The following AP4E1 variants were observed in gnomAD, a reference collection of about 807,000 sequenced individuals.
AP4E1 encodes adaptor related protein complex 4 subunit epsilon 1, also known as AP-4 complex subunit epsilon-1.
In AP4E1, 56 loss-of-function variants were observed where a neutral mutation model predicts 128.2. The ratio of observed to expected loss-of-function variants is 0.44; its 90% CI spans 0.35 to 0.55. The LOEUF (loss-of-function observed/expected upper bound fraction) is 0.55. Ranked by LOEUF, AP4E1 falls within the 20% of genes least tolerant of loss-of-function variation. AP4E1 has a pLI of 0.00. For missense variants in AP4E1, 1,324 were observed against 1,307.7 expected (o/e 1.01, Z -0.19); for synonymous variants, 484 against 473.1 (o/e 1.02, Z -0.30).
At chr15:50,943,737 T>C (rs949965486) in intron 10 of AP4E1, among the ~76,000 whole-genome samples, 1 of 152,186 alleles carries the variant, frequency 6.6e-6, no homozygotes, top group African/African-American at 2.4e-5. Context: ...TATTGAACCA[T>C]GTATATATTT....
At position 50,914,650 on chromosome 15, in the gene AP4E1, C is replaced by CA. The variant is rs60591318; in HGVS notation, c.223-777dup. Among the ~76,000 whole-genome samples, 887 of 93,628 alleles carry CA rather than the reference C, an allele frequency of 9.5e-3. 3 individuals carry two copies. Among genetic ancestry groups the CA allele is most frequent in the Middle Eastern group, 0.021 (4 of 194 alleles). The allele number at this position is 93,628 out of a possible 152,430, so 61.4% of individuals were successfully genotyped here. A position where few individuals can be genotyped will look rare whatever the true frequency, so the allele number is the denominator to read the frequency against. On this transcript the variant is annotated intron_variant, in intron 2 of 20. Coordinates refer to ENST00000261842, the MANE Select transcript of AP4E1 (RefSeq NM_007347.5). The stretch of plus-strand genomic sequence containing the variant: ...TGGGTGACAGAGCGAGACTCTGTCT[C>CA]AAAAAAAAAAAAAAAAAAAAAGTCT...
At chr15:50,991,656 A>G (rs191178171) in intron 16 of AP4E1, among the ~76,000 whole-genome samples, 5 of 152,120 alleles carry the variant, frequency 3.3e-5, no homozygotes, top group Admixed American at 2.6e-4. Flanking sequence ...GAATGAACCA[A>G]TTCCCTTTAG....
intron 14 of AP4E1, among the ~76,000 whole-genome samples, chr15:50,965,389 G>A (rs1412748869): frequency 6.6e-6 from 1 of 152,220 alleles, no homozygotes; most frequent in African/African-American, 2.4e-5. Context: ...GATTGGGTGT[G>A]CCAGTCCTTG....
intron 8 of AP4E1, among the ~76,000 whole-genome samples, chr15:50,937,690 A>G (rs1270393451): frequency 6.6e-6 from 1 of 152,196 alleles, no homozygotes; most frequent in Non-Finnish European, 1.5e-5. Context: ...CCTGAAAGGT[A>G]GATAAGATTT....
At chr15:50,966,452 A>G (rs987011650) in intron 14 of AP4E1, among the ~76,000 whole-genome samples, 3 of 151,654 alleles carry the variant, frequency 2.0e-5, no homozygotes, top group Non-Finnish European at 4.4e-5. Context: ...ACAGTATTAT[A>G]TTAGGGAGTA....
At chr15:50,977,727 A>G (rs1324961211) in intron 15 of AP4E1, among the ~76,000 whole-genome samples, 1 of 20,082 alleles carries the variant, frequency 5.0e-5, no homozygotes, top group Non-Finnish European at 1.2e-4. Context: ...TTTTTTTTTT[A>G]GACAGAGTCT....
intron 15 of AP4E1, among the ~76,000 whole-genome samples, chr15:50,973,071 CATTG>C (rs1312813146): frequency 1.3e-5 from 2 of 152,258 alleles, no homozygotes; most frequent in Admixed American, 6.5e-5. Context: ...AAGGGGAAAT[CATTG>C]AGTTATTTGG....
intron 3 of AP4E1, among the ~76,000 whole-genome samples, chr15:50,922,163 CAAAAAAA>C (rs34829950): frequency 6.3e-5 from 5 of 79,752 alleles, no homozygotes; most frequent in Admixed American, 3.2e-4. Flanking sequence ...CCTATCTCTA[CAAAAAAA>C]AAAAAAAAAA....
chr15:50,948,699 A>G (rs1310932531), intron 11 of AP4E1, among the ~76,000 whole-genome samples: 1 of 152,208 alleles, frequency 6.6e-6, no homozygotes, highest in Non-Finnish European at 1.5e-5. Flanking sequence ...TAGGCCGGGC[A>G]CAGTGGCTCA....
At position 50,950,189 on chromosome 15, in the gene AP4E1, T is replaced by TAAGGAAACGC. The variant is rs2064130122; in HGVS notation, c.1548+20_1548+21insAAGGAAACGC. On this transcript the variant is annotated intron_variant, in intron 13 of 20. Transcript: ENST00000261842. ...AGTTGGGTGAGCAAAGTACCTTAAA[T>TAAGGAAACGC]CATAAATTTTTATAACATTTTTAAT... is the stretch of plus-strand genomic sequence containing the variant. 6.8e-7 allele frequency: 1 copy of TAAGGAAACGC among 1,478,558 alleles called. No individual in the cohort carries two copies. Among genetic ancestry groups the TAAGGAAACGC allele is most frequent in the Non-Finnish European group, 9.4e-7 (1 of 1,063,414 alleles). 91.6% of individuals were successfully genotyped at this position (1,478,558 alleles called of 1,614,324 possible).
At chr15:50,961,867 C>T (rs1596486811) in intron 14 of AP4E1, among the ~76,000 whole-genome samples, 1 of 151,262 alleles carries the variant, frequency 6.6e-6, no homozygotes, top group African/African-American at 2.4e-5. Flanking sequence ...AAGACTTGAA[C>T]AAAAAGTTCT....
intron 4 of AP4E1, among the ~76,000 whole-genome samples, chr15:50,924,408 A>C (rs1273584136): frequency 6.6e-6 from 1 of 152,204 alleles, no homozygotes; most frequent in Admixed American, 6.5e-5. Context: ...ATTTAAAAAA[A>C]GAATAGAATA....
intron 10 of AP4E1, among the ~76,000 whole-genome samples, chr15:50,946,803 G>T (rs1257077315): frequency 1.3e-5 from 2 of 152,166 alleles, no homozygotes; most frequent in African/African-American, 4.8e-5. Flanking sequence ...CCATGCAAAT[G>T]GGAGCTTACT....
intron 13 of AP4E1, among the ~76,000 whole-genome samples, chr15:50,953,248 T>C (rs1277284407): frequency 6.6e-6 from 1 of 152,236 alleles, no homozygotes; most frequent in Non-Finnish European, 1.5e-5. Context: ...CATTAGTTTT[T>C]TTTGTCTATG....
intron 3 of AP4E1, among the ~76,000 whole-genome samples, chr15:50,916,652 G>A (rs1001348452): frequency 6.6e-6 from 1 of 152,184 alleles, no homozygotes; most frequent in Non-Finnish European, 1.5e-5. Context: ...CTGAGACTGA[G>A]TGCACACAAT....
chr15:50,942,068 C>G (rs1307355703), intron 10 of AP4E1, among the ~76,000 whole-genome samples: 1 of 152,110 alleles, frequency 6.6e-6, no homozygotes, highest in Non-Finnish European at 1.5e-5. Flanking sequence ...AGGTGTGTGC[C>G]ACCACGCGTG....
At position 50,929,136 on chromosome 15, in the gene AP4E1, G is replaced by C. The variant is rs752807567; in HGVS notation, c.670G>C (p.Ala224Pro). 2 of 1,613,812 alleles carry C rather than the reference G, an allele frequency of 1.2e-6. No individual in the cohort carries two copies. The highest frequency in any genetic ancestry group is 2.2e-5 in the South Asian group (2 of 91,082). Residue 224 changes from alanine to proline, a missense_variant, in exon 6 of 21, where the codon GCC (alanine) becomes CCC (proline). Coordinates refer to ENST00000261842, the MANE Select transcript of AP4E1 (RefSeq NM_007347.5). The stretch of plus-strand genomic sequence containing the variant: ...TGACAGAGATGTTGGGGTCATGGCT[G>C]CCTCCTTGCATATATATCTTAGAAT... ...LCDRDVGVMAASLHIYLRMIK... is the reference protein window; with the variant it reads ...LCDRDVGVMAPSLHIYLRMIK...
At position 50,987,269 on chromosome 15, in the gene AP4E1, A is replaced by AT. The variant is rs1248131735; in HGVS notation, c.2090+3130dup. Among the ~76,000 whole-genome samples the AT allele has an allele frequency of 3.3e-5, 5 of 151,988 alleles. No individual in the cohort carries two copies. The East Asian group carries it at 7.7e-4, about 23-fold the overall frequency. ...AAAAAACCAGCTCCTGGATTCACTG[A>AT]TTTTTTGAAGGGTTTTTTGTGTCTC... On this transcript the variant is annotated intron_variant, in intron 16 of 20. Transcript: ENST00000261842.
chr15:50,944,368 A>G (rs2064028968), intron 10 of AP4E1, among the ~76,000 whole-genome samples: 2 of 152,190 alleles, frequency 1.3e-5, no homozygotes, highest in South Asian at 4.1e-4. Context: ...ACCTCTGGCA[A>G]TACAGTTTGT....
Sources: gnomAD v4.1 joint callset for allele counts (sites outside exome capture counted in the v4.1 genomes callset) on GRCh38, gnomAD v4.1.1 for gene constraint, MANE v1.5 for transcripts, NCBI Gene and HGNC (gene_info 2026-07-23, HGNC 2026-07-21) for gene names.